LAMA2: variants seen among roughly 807,000 people sequenced by gnomAD.
LAMA2 encodes laminin subunit alpha-2.
A neutral mutation model predicts 364.8 loss-of-function variants in LAMA2; 269 were observed. That is an observed-to-expected ratio of 0.74 (90% CI 0.67 to 0.82). LAMA2 has a LOEUF of 0.82. Ranked by LOEUF, LAMA2 falls within the 40% of genes least tolerant of loss-of-function variation. The probability of loss-of-function intolerance (pLI) is 0.00; values close to 1 mark genes in which losing one functional copy is unlikely to be tolerated. For missense variants in LAMA2, 3,807 were observed against 3,873.2 expected, an observed-to-expected ratio of 0.98 and a Z score of 0.45; for synonymous variants, 1,379 against 1,370.6, an observed-to-expected ratio of 1.01 and a Z score of -0.14.
intron 1 of LAMA2, among the ~76,000 whole-genome samples, chr6:128,943,800 A>T (rs557162190): frequency 6.6e-6 from 1 of 152,210 alleles, no homozygotes; most frequent in Non-Finnish European, 1.5e-5. Context: ...TGAGAATACC[A>T]TAGTAGGTCC....
intron 6 of LAMA2, 118 bp downstream of exon 6, chr6:129,147,166 G>T: frequency 2.7e-6 from 2 of 740,152 alleles, no homozygotes; most frequent in African/African-American, 1.7e-5. Flanking sequence ...CTTAGACAGT[G>T]TAACAGAAAT....
rs755643402 is a variant in LAMA2 at position 129,316,041 on chromosome 6, G to A, written c.3928G>A (p.Glu1310Lys). The A allele has an allele frequency of 6.2e-7, 1 of 1,614,080 alleles. No homozygotes were observed. The highest frequency in any genetic ancestry group is 8.5e-7 in the Non-Finnish European group (1 of 1,179,986). Reference protein sequence around the residue: ...TRHEIEMTEKEWKYYGDDPRV... With the variant: ...TRHEIEMTEKKWKYYGDDPRV... The stretch of plus-strand genomic sequence containing the variant: ...TGATTTCTCTTCTTGTTAACAGAAA[G>A]AATGGAAATATTATGGGGATGATCC... Residue 1310 changes from glutamate to lysine, a missense_variant, in exon 27 of 65, where the codon GAA (glutamate) becomes AAA (lysine). By Grantham distance (56) the Glu-to-Lys change is moderately conservative. This residue lies in a region of LAMA2 where 3,333 missense variants were observed against 3,345.7 expected (regional missense o/e 1.00). Coordinates refer to ENST00000421865, the MANE Select transcript of LAMA2 (RefSeq NM_000426.4).
At chr6:129,306,877 T>C (rs1773913783) in intron 22 of LAMA2, among the ~76,000 whole-genome samples, 1 of 152,200 alleles carries the variant, frequency 6.6e-6, no homozygotes, top group South Asian at 2.1e-4. Context: ...ATAATGTTTA[T>C]AAACATTAGC....
intron 3 of LAMA2, among the ~76,000 whole-genome samples, chr6:129,090,892 A>C (rs1050810614): frequency 1.3e-5 from 2 of 152,196 alleles, no homozygotes. Flanking sequence ...ACTGCACAGT[A>C]AACTATACAC....
chr6:129,368,305 T>C (rs151119275), intron 33 of LAMA2, among the ~76,000 whole-genome samples: 32 of 152,290 alleles, frequency 2.1e-4, no homozygotes, highest in African/African-American at 7.5e-4. Context: ...AACAGAGCCA[T>C]GTGAGCAGAG....
intron 55 of LAMA2, among the ~76,000 whole-genome samples, chr6:129,484,131 C>A (rs145774002): frequency 6.6e-6 from 1 of 152,250 alleles, no homozygotes; most frequent in African/African-American, 2.4e-5. Flanking sequence ...CATCAAACAA[C>A]ACAAAACACA....
chr6:128,973,280 G>A (rs891480731), intron 1 of LAMA2, among the ~76,000 whole-genome samples: 6 of 152,084 alleles, frequency 3.9e-5, no homozygotes, highest in African/African-American at 1.4e-4. Context: ...TTTTTACTGT[G>A]CAATTTTCCT....
intron 1 of LAMA2, among the ~76,000 whole-genome samples, chr6:128,887,362 A>G (rs1474880993): frequency 6.6e-6 from 1 of 152,174 alleles, no homozygotes; most frequent in Non-Finnish European, 1.5e-5. Context: ...AAAATGATTC[A>G]TAACAGATAA....
intron 8 of LAMA2, chr6:129,158,075 C>T (rs4080726): frequency 1.6e-5 from 25 of 1,595,898 alleles, no homozygotes; most frequent in African/African-American, 6.9e-5. Context: ...GGGTGCCATA[C>T]GTTTCTGTGT....
chr6:129,095,154 G>T (rs1775093532), intron 3 of LAMA2, among the ~76,000 whole-genome samples: 1 of 152,104 alleles, frequency 6.6e-6, no homozygotes, highest in Non-Finnish European at 1.5e-5. Context: ...AGCATTTGTG[G>T]CTTAATGTTT....
chr6:129,473,153 A>G, intron 51 of LAMA2, 61 bp from the exon 52 acceptor site: 1 of 1,314,174 alleles, frequency 7.6e-7, no homozygotes, highest in Non-Finnish European at 1.1e-6. Context: ...AGTATTAATG[A>G]TGATATAGAT....
At chr6:128,925,537 C>T (rs762653886) in intron 1 of LAMA2, among the ~76,000 whole-genome samples, 6 of 151,982 alleles carry the variant, frequency 3.9e-5, no homozygotes, top group Non-Finnish European at 8.8e-5. Context: ...TAATGAGTAC[C>T]GAGTTTCAGT....
intron 1 of LAMA2, among the ~76,000 whole-genome samples, chr6:128,916,212 C>CA (rs561468389): frequency 1.7e-4 from 26 of 150,794 alleles, no homozygotes; most frequent in East Asian, 5.8e-4. Context: ...AGGTGAACAA[C>CA]AAAAAAAACA....
chr6:128,962,185 T>TATATATATATATATATATACACACAC (rs1214826895), intron 1 of LAMA2, among the ~76,000 whole-genome samples: 3 of 103,918 alleles, frequency 2.9e-5, no homozygotes, highest in African/African-American at 1.1e-4. Flanking sequence ...TATATATATA[T>TATATATATATATATATATACACACAC]ACACACATAC....
At chr6:129,043,382 T>G (rs563967070) in intron 1 of LAMA2, among the ~76,000 whole-genome samples, 3 of 152,338 alleles carry the variant, frequency 2.0e-5, no homozygotes, top group African/African-American at 7.2e-5. Context: ...TCAAATGTAC[T>G]TATACTGTCT....
At position 129,159,760 on chromosome 6, in the gene LAMA2, G is replaced by C. The variant is rs191129876; in HGVS notation, c.1206+5077G>C. 1.4e-4 allele frequency among the ~76,000 whole-genome samples: 21 copies of C among 152,256 alleles called. No individual in the cohort carries two copies. In the East Asian group the frequency reaches 3.9e-3, roughly 28 times the overall value. ...ATTTTTTTATGGACACCCTTTATCA[G>C]ATTCAGTAGGTCCCCTACTATTCCT... On this transcript the variant is annotated intron_variant, in intron 8 of 64. Coordinates refer to ENST00000421865, the MANE Select transcript of LAMA2 (RefSeq NM_000426.4).
chr6:129,125,527 G>T (rs988837888), intron 4 of LAMA2, among the ~76,000 whole-genome samples: 2 of 152,170 alleles, frequency 1.3e-5, no homozygotes, highest in Admixed American at 1.3e-4. Flanking sequence ...TGGACACAGA[G>T]ATTTCCCATA....
Position 129,177,731 on chromosome 6 carries a change from C to T in LAMA2, c.1332C>T (p.Cys444=), listed in dbSNP as rs2115016089. Residue 444 remains cysteine (C), a synonymous_variant, in exon 10 of 65, where the codon TGC becomes TGT. Coordinates refer to ENST00000421865, the MANE Select transcript of LAMA2 (RefSeq NM_000426.4). ...GTTTGGCACCTGGATCCTGTCATTG[C>T]AAAACTGGTTTTGGAGGTGTGAGCT... is the stretch of plus-strand genomic sequence containing the variant. ...RRGLAPGSCH[C]KTGFGGVSCD... The T allele has an allele frequency of 2.5e-6, 4 of 1,613,938 alleles. No individual in the cohort carries two copies. Among genetic ancestry groups the T allele is most frequent in the Non-Finnish European group, 3.4e-6 (4 of 1,179,930 alleles).
chr6:129,491,827 C>G lies in LAMA2; in HGVS notation c.7899-74C>G, dbSNP rs146378546. The G allele has an allele frequency of 4.8e-5, 59 of 1,227,034 alleles. 3 individuals carry two copies. The African/African-American group carries it at 7.2e-4, about 15-fold the overall frequency. 76.0% of individuals were successfully genotyped at this position (1,227,034 alleles called of 1,614,324 possible). The stretch of plus-strand genomic sequence containing the variant: ...TATGGTTGAGAGGGGTGAAGGGTGG[C>G]AGGAAAGAATTTGATTTCCAACTGT... On this transcript the variant is annotated intron_variant, in intron 56 of 64. Coordinates refer to ENST00000421865, the MANE Select transcript of LAMA2 (RefSeq NM_000426.4).
Sources: gnomAD v4.1 joint callset for allele counts (sites outside exome capture counted in the v4.1 genomes callset) on GRCh38, gnomAD v4.1.1 for gene constraint, gnomAD v4.1.1 regional missense constraint, MANE v1.5 for transcripts, NCBI Gene and HGNC (gene_info 2026-07-23, HGNC 2026-07-21) for gene names.